PLVAP: variants seen among roughly 807,000 people sequenced by gnomAD.
PLVAP encodes the protein plasmalemma vesicle associated protein, also known as plasmalemma vesicle-associated protein.
PLVAP carries 34 observed loss-of-function variants against 43.1 expected under a neutral mutation model. That is an observed-to-expected ratio of 0.79 (90% CI 0.60 to 1.05). The LOEUF (loss-of-function observed/expected upper bound fraction) is 1.05, where lower values mean the gene tolerates loss of function less well. Ranked by LOEUF, PLVAP falls within the 50% of genes least tolerant of loss-of-function variation. The pLI is 0.00. For synonymous variants in PLVAP, 241 were observed against 237.3 expected, an observed-to-expected ratio of 1.02 and a Z score of -0.14; for missense variants, 574 against 593.4, an observed-to-expected ratio of 0.97 and a Z score of 0.34.
intron 3 of PLVAP, 39 bp from the exon 4 acceptor site, chr19:17,360,871 G>A (rs1433377786): frequency 6.4e-7 from 1 of 1,560,730 alleles, no homozygotes; most frequent in South Asian, 1.1e-5. Context: ...TAGGAGCCAG[G>A]GCTTCCCAGA....
intron 5 of PLVAP, among the ~76,000 whole-genome samples, chr19:17,357,663 C>T (rs775618291): frequency 8.6e-5 from 13 of 151,816 alleles, no homozygotes; most frequent in Non-Finnish European, 1.8e-4. Context: ...GACCCTGTCT[C>T]GAAAAAAATA....
intron 1 of PLVAP, among the ~76,000 whole-genome samples, chr19:17,369,832 C>T (rs1234704562): frequency 6.6e-6 from 1 of 150,786 alleles, no homozygotes; most frequent in Non-Finnish European, 1.5e-5. Flanking sequence ...GAAACCCCAT[C>T]TCTACTAAAA....
At chr19:17,358,921 T>C (rs2145719396) in intron 5 of PLVAP, among the ~76,000 whole-genome samples, 1 of 151,898 alleles carries the variant, frequency 6.6e-6, no homozygotes, top group African/African-American at 2.4e-5. Flanking sequence ...CACCTCAGGC[T>C]CCTGAGTAGC....
At chr19:17,368,913 G>A (rs2074560705) in intron 1 of PLVAP, among the ~76,000 whole-genome samples, 1 of 152,146 alleles carries the variant, frequency 6.6e-6, no homozygotes, top group Non-Finnish European at 1.5e-5. Flanking sequence ...GGGAGGCGGA[G>A]GTTGCAGTGA....
rs149362987 is a variant in PLVAP at position 17,365,886 on chromosome 19, C to T, written c.579G>A (p.Ala193=). 22 of 1,614,024 alleles carry T rather than the reference C, an allele frequency of 1.4e-5. No individual in the cohort carries two copies. The East Asian group carries it at 1.8e-4, about 13-fold the overall frequency. Residue 193 remains alanine, a synonymous_variant, in exon 3 of 6, where the codon GCG becomes GCA. Transcript: ENST00000252590. ...KESVLLNKRV[A]EEQLVECVKT... ...TCACGCATTCAACCAGCTGTTCCTC[C>T]GCCACGCGTTTGTTCAGCAGCACGC... is the stretch of plus-strand genomic sequence containing the variant.
At chr19:17,363,458 C>T (rs2074535930) in intron 3 of PLVAP, among the ~76,000 whole-genome samples, 1 of 152,130 alleles carries the variant, frequency 6.6e-6, no homozygotes, top group Admixed American at 6.6e-5. Flanking sequence ...TGGGCCACCG[C>T]GCCTGGTCGT....
In PLVAP at chr19:17,360,816, G is replaced by A. The variant is rs762201904; in HGVS notation, c.1196C>T (p.Pro399Leu). The change falls in exon 4 of 6, where the codon CCA becomes CTA. Residue 399 changes from proline (P) to leucine (L), a missense_variant. Coordinates refer to ENST00000252590, the MANE Select transcript of PLVAP (RefSeq NM_031310.3). ...GACAGGGCCCATGGGCCTTGACACT[G>A]GCATCATCGGCTGCGACTGTGAAAG... is the stretch of plus-strand genomic sequence containing the variant. ...CIKTKSQPMM[P>L]VSRPMGPVPN... The A allele has an allele frequency of 1.9e-6, 3 of 1,613,952 alleles. No homozygotes were observed. Among genetic ancestry groups the A allele is most frequent in the Admixed American group, 1.7e-5 (1 of 60,016 alleles).
chr19:17,355,234 T>TAAG (rs1253737995), intron 5 of PLVAP, among the ~76,000 whole-genome samples: 6 of 142,384 alleles, frequency 4.2e-5, no homozygotes, highest in Non-Finnish European at 7.6e-5. Flanking sequence ...AAAATAATAA[T>TAAG]AATAATAATA....
At chr19:17,355,722 G>A (rs2145717692) in intron 5 of PLVAP, among the ~76,000 whole-genome samples, 1 of 151,902 alleles carries the variant, frequency 6.6e-6, no homozygotes, top group East Asian at 2.0e-4. Flanking sequence ...TTTTAGTAGA[G>A]ACAGGGTATC....
At position 17,365,437 on chromosome 19, in the gene PLVAP, T is replaced by C. The variant is rs2074544649; in HGVS notation, c.1028A>G (p.Gln343Arg). Reference sequence around the variant, plus strand: ...CTTCTCCTCCAGCGCTAGCTGGGTCTGCCGGGAGCATTCAGCTTGGAGCTT... The same window carrying C: ...CTTCTCCTCCAGCGCTAGCTGGGTCCGCCGGGAGCATTCAGCTTGGAGCTT... ...EAKLQAECSR[Q>R]TQLALEEKAV... The change falls in exon 3 of 6, where the codon CAG (glutamine) becomes CGG (arginine). Residue 343 changes from glutamine to arginine, a missense_variant. Coordinates refer to ENST00000252590, the MANE Select transcript of PLVAP (RefSeq NM_031310.3). 6.2e-7 allele frequency: 1 copy of C among 1,613,196 alleles called. No homozygotes were observed. Among genetic ancestry groups the C allele is most frequent in the Non-Finnish European group, 8.5e-7 (1 of 1,180,044 alleles).
rs199706929 is a variant in PLVAP at position 17,376,939 on chromosome 19, C to T, written c.350G>A (p.Arg117His). 6 of 1,613,314 alleles carry T rather than the reference C, an allele frequency of 3.7e-6. No individual in the cohort carries two copies. Among genetic ancestry groups the T allele is most frequent in the African/African-American group, 1.3e-5 (1 of 74,922 alleles). The change falls in exon 1 of 6, where the codon CGC becomes CAC. Residue 117 changes from arginine to histidine, a missense_variant. Arg to His is a conservative substitution (Grantham distance 29). Transcript: ENST00000252590. ...CCTTACCCGGTCACCCTGGCACTGGCGGAAGCTGGCATTGATGCGGTCCAG... is the reference window on the plus strand; with the variant it reads ...CCTTACCCGGTCACCCTGGCACTGGTGGAAGCTGGCATTGATGCGGTCCAG... ...RDLDRINASF[R>H]QCQGDRVIYT...
intron 1 of PLVAP, among the ~76,000 whole-genome samples, chr19:17,372,331 C>A (rs887533821): frequency 6.6e-6 from 1 of 150,494 alleles, no homozygotes; most frequent in Admixed American, 6.6e-5. Context: ...ATCACTTGAA[C>A]CCGGGAGGCA....
chr19:17,367,550 G>A (rs572786584), intron 1 of PLVAP, among the ~76,000 whole-genome samples: 7 of 152,132 alleles, frequency 4.6e-5, no homozygotes, highest in Admixed American at 6.6e-5. Context: ...CACAACACCC[G>A]GCTAATCTTT....
chr19:17,372,889 C>T (rs1215804136), intron 1 of PLVAP, among the ~76,000 whole-genome samples: 5 of 147,194 alleles, frequency 3.4e-5, no homozygotes, highest in South Asian at 2.2e-4. Context: ...AGTGAAACCC[C>T]GTCTCTACTA....
At chr19:17,369,529 G>A (rs1021470473) in intron 1 of PLVAP, among the ~76,000 whole-genome samples, 2 of 150,068 alleles carry the variant, frequency 1.3e-5, no homozygotes, top group African/African-American at 4.9e-5. Context: ...CAGCTATTTG[G>A]GAGTCTGAGC....
chr19:17,361,923 TAAAA>T (rs113828333), intron 3 of PLVAP, among the ~76,000 whole-genome samples: 1 of 143,098 alleles, frequency 7.0e-6, no homozygotes, highest in African/African-American at 2.6e-5. Flanking sequence ...TAAAAAAAAA[TAAAA>T]AAAAAAAAAT....
rs1395578051 is a variant in PLVAP, at chr19:17,365,599, C to T, written c.866G>A (p.Ser289Asn). 1.2e-6 allele frequency: 2 copies of T among 1,612,964 alleles called. No individual in the cohort carries two copies. The highest frequency in any genetic ancestry group is 8.5e-7 in the Non-Finnish European group (1 of 1,180,036). ...MSSKVEELARSLRADIERVAR... is the reference protein window; with the variant it reads ...MSSKVEELARNLRADIERVAR... Reference sequence around the variant, plus strand: ...CACGCGTTCGATATCCGCCCGGAGGCTCCGGGCCAGCTCCTCCACCTTGGA... The same window carrying T: ...CACGCGTTCGATATCCGCCCGGAGGTTCCGGGCCAGCTCCTCCACCTTGGA... The change falls in exon 3 of 6, where the codon AGC (serine) becomes AAC (asparagine). Residue 289 changes from serine (S) to asparagine (N), a missense_variant. Ser to Asn is a conservative substitution (Grantham distance 46). Transcript: ENST00000252590.
intron 3 of PLVAP, chr19:17,361,058 T>G: frequency 2.0e-6 from 1 of 499,370 alleles, no homozygotes; most frequent in South Asian, 2.5e-5. Flanking sequence ...GGGACTACAG[T>G]CACACACCAC....
chr19:17,365,579 G>A lies in PLVAP; in HGVS notation c.886C>T (p.Arg296Cys), dbSNP rs763597063. The A allele has an allele frequency of 3.1e-6, 5 of 1,612,268 alleles. No individual in the cohort carries two copies. Among genetic ancestry groups the A allele is most frequent in the South Asian group, 1.1e-5 (1 of 91,094 alleles). The change falls in exon 3 of 6, where the codon CGC (arginine) becomes TGC (cysteine). Residue 296 changes from arginine (R) to cysteine (C), a missense_variant. Arg to Cys is a radical substitution (Grantham distance 180). Transcript: ENST00000252590. The stretch of plus-strand genomic sequence containing the variant: ...AGGTCTGAGTTCTCGCGGGCCACGC[G>A]TTCGATATCCGCCCGGAGGCTCCGG... ...LARSLRADIE[R>C]VARENSDLQR...
Sources: allele counts gnomAD v4.1 joint callset (sites outside exome capture counted in the v4.1 genomes callset), GRCh38; gene constraint gnomAD v4.1.1; transcripts MANE v1.5; gene names NCBI Gene and HGNC (gene_info 2026-07-23, HGNC 2026-07-21).